The following CD300A variants were observed in gnomAD, a reference collection of about 807,000 sequenced individuals.
CD300A encodes the protein CD300a molecule.
CD300A carries 22 observed loss-of-function variants against 33.6 expected under a neutral mutation model. The observed-to-expected ratio is 0.66, with a 90% CI of 0.47 to 0.94. CD300A has a LOEUF of 0.94. Ranked by LOEUF, CD300A falls within the 40% of genes least tolerant of loss-of-function variation. The probability of loss-of-function intolerance (pLI) is 0.00; values close to 1 mark genes in which losing one functional copy is unlikely to be tolerated. For missense variants in CD300A, 326 were observed against 360.5 expected (o/e 0.90, Z 0.77); for synonymous variants, 136 against 148.1 (o/e 0.92, Z 0.59).
At chr17:74,474,872 TA>T (rs1274231692) in intron 3 of CD300A, among the ~76,000 whole-genome samples, 187 bp downstream of exon 3, 2 of 121,696 alleles carry the variant, frequency 1.6e-5, no homozygotes, top group Non-Finnish European at 3.5e-5. Flanking sequence ...GGGGCTCAGG[TA>T]GGGGGGAAGT....
intron 1 of CD300A, among the ~76,000 whole-genome samples, chr17:74,467,551 T>G (rs1019705013): frequency 2.0e-5 from 3 of 152,228 alleles, no homozygotes; most frequent in African/African-American, 4.8e-5. Flanking sequence ...CAGAGTCACC[T>G]GCTGTGCCTT....
At position 74,474,559 on chromosome 17, in the gene CD300A, T is replaced by G. The variant is rs755193796; in HGVS notation, c.407T>G (p.Ile136Ser). 1 of 1,614,170 alleles carries G rather than the reference T, an allele frequency of 6.2e-7. No homozygotes were observed. Among genetic ancestry groups the G allele is most frequent in the East Asian group, 2.2e-5 (1 of 44,882 alleles). Reference protein sequence around the residue: ...PASTSMTPASITAAKTSTITT... With the variant: ...PASTSMTPASSTAAKTSTITT... ...TCAACGTCAATGACACCTGCAAGTATCACTGCGGCCAAGACCTCAACAATC... is the reference window on the plus strand; with the variant it reads ...TCAACGTCAATGACACCTGCAAGTAGCACTGCGGCCAAGACCTCAACAATC... The change falls in exon 3 of 7, where the codon ATC (isoleucine) becomes AGC (serine). Residue 136 changes from isoleucine to serine, a missense_variant. Physicochemically the swap from Ile to Ser is moderately radical, Grantham distance 142. Coordinates refer to ENST00000360141, the MANE Select transcript of CD300A (RefSeq NM_007261.4).
Position 74,484,144 on chromosome 17 carries a change from C to T in CD300A, c.*18C>T. 1.9e-6 allele frequency: 3 copies of T among 1,612,212 alleles called. No homozygotes were observed. Among genetic ancestry groups the T allele is most frequent in the Non-Finnish European group, 2.5e-6 (3 of 1,179,110 alleles). ...AGACATAGGCTTTTGTCCTGCCTCGCCATCGGAGCTCTCATGGGCCCCAGG... is the reference window on the plus strand; with the variant it reads ...AGACATAGGCTTTTGTCCTGCCTCGTCATCGGAGCTCTCATGGGCCCCAGG... On this transcript the variant is annotated 3_prime_UTR_variant, in exon 7 of 7. Transcript: ENST00000360141.
intron 1 of CD300A, among the ~76,000 whole-genome samples, chr17:74,472,000 GGAGGCC>G (rs2144509177): frequency 6.6e-6 from 1 of 152,244 alleles, no homozygotes; most frequent in South Asian, 2.1e-4. Flanking sequence ...CAGCACTTTG[GGAGGCC>G]GAGGCAGGTG....
At chr17:74,466,995 T>C in intron 1 of CD300A, 1 of 1,392,330 alleles carries the variant, frequency 7.2e-7, no homozygotes, top group Non-Finnish European at 9.3e-7. Context: ...TGATAAGGGG[T>C]GGGTGCAGAA....
chr17:74,474,700 C>T lies in CD300A; in HGVS notation c.533+15C>T, dbSNP rs7208061. ...GTGAACTCACAGTAAGCACCCTAGC[C>T]CCTGAGACATGGAGGGGGCCCTGTG... On this transcript the variant is annotated intron_variant, in intron 3 of 6. Transcript: ENST00000360141. 1,846 of 1,613,384 alleles carry T rather than the reference C, an allele frequency of 1.1e-3. 14 individuals are homozygous for T. In the African/African-American group the frequency reaches 0.022, roughly 19 times the overall value.
At chr17:74,472,765 A>C (rs999647331) in intron 1 of CD300A, among the ~76,000 whole-genome samples, 44 of 152,070 alleles carry the variant, frequency 2.9e-4, no homozygotes, top group African/African-American at 8.0e-4. Flanking sequence ...GCATGCCACC[A>C]CGCCCAGCTA....
At chr17:74,477,308 C>T (rs1906530343) in intron 3 of CD300A, 128 bp from the exon 4 acceptor site, 1 of 613,022 alleles carries the variant, frequency 1.6e-6, no homozygotes, top group Non-Finnish European at 2.8e-6. Flanking sequence ...GCCATGATCA[C>T]CACTGCACTC....
intron 4 of CD300A, among the ~76,000 whole-genome samples, chr17:74,478,458 A>G (rs1598105622): frequency 6.6e-6 from 1 of 152,370 alleles, no homozygotes; most frequent in Non-Finnish European, 1.5e-5. Flanking sequence ...CTCTGAGCTC[A>G]GATTAAAAGA....
chr17:74,467,959 A>G (rs944214112), intron 1 of CD300A, among the ~76,000 whole-genome samples: 2 of 152,190 alleles, frequency 1.3e-5, no homozygotes, highest in South Asian at 2.1e-4. Flanking sequence ...AGAGCTTCTC[A>G]TTATTAGGAA....
chr17:74,473,509 G>A (rs1906243432), intron 1 of CD300A, 27 bp from the exon 2 acceptor site: 2 of 1,591,912 alleles, frequency 1.3e-6, no homozygotes, highest in African/African-American at 1.3e-5. Flanking sequence ...CTGAGGAGGA[G>A]CTGGGACTCT....
chr17:74,477,561 A>T (rs1467785977), intron 4 of CD300A, 31 bp downstream of exon 4: 1 of 1,515,658 alleles, frequency 6.6e-7, no homozygotes, highest in African/African-American at 1.4e-5. Flanking sequence ...CCTCTGCCCC[A>T]CCTGGGGTGG....
chr17:74,473,333 G>A (rs563196897), intron 1 of CD300A, among the ~76,000 whole-genome samples: 3 of 151,936 alleles, frequency 2.0e-5, no homozygotes, highest in South Asian at 2.1e-4. Flanking sequence ...GAGCTCTTCC[G>A]GTCTCCATGG....
intron 4 of CD300A, among the ~76,000 whole-genome samples, chr17:74,479,896 C>G (rs1416739073): frequency 1.3e-5 from 2 of 152,140 alleles, no homozygotes; most frequent in Admixed American, 6.5e-5. Flanking sequence ...ACAAAGCTGT[C>G]CTGAGCACCT....
chr17:74,480,906 G>A lies in CD300A; in HGVS notation c.629-383G>A, dbSNP rs1050098861. 5.9e-5 allele frequency among the ~76,000 whole-genome samples: 9 copies of A among 152,086 alleles called. No homozygotes were observed. The highest frequency in any genetic ancestry group is 2.2e-4 in the African/African-American group (9 of 41,410). Reference sequence around the variant, plus strand: ...GGGACTACAGGGCGTGTGCCACCATGCCCAGCTAATATTTGTATTTTTAGT... The same window carrying A: ...GGGACTACAGGGCGTGTGCCACCATACCCAGCTAATATTTGTATTTTTAGT... On this transcript the variant is annotated intron_variant, in intron 4 of 6. Coordinates refer to ENST00000360141, the MANE Select transcript of CD300A (RefSeq NM_007261.4). This position sits in a 1 kb window ranked among gnomAD's most constrained non-coding sequence, Gnocchi z 4.2.
intron 6 of CD300A, among the ~76,000 whole-genome samples, chr17:74,483,252 C>T (rs944802966): frequency 6.6e-6 from 1 of 152,170 alleles, no homozygotes; most frequent in Non-Finnish European, 1.5e-5. Context: ...AACGCAGTAC[C>T]CCTGTACTGG....
rs1020465705 is a variant in CD300A, at chr17:74,480,290, C to G, written c.629-999C>G. Among the ~76,000 whole-genome samples the G allele has an allele frequency of 6.6e-6, 1 of 152,114 alleles. No homozygotes were observed. Among genetic ancestry groups the G allele is most frequent in the Non-Finnish European group, 1.5e-5 (1 of 68,000 alleles). Reference sequence around the variant, plus strand: ...TTCTGGGGGAGGAGCCCACAGATCCCCACAGCATCCAGTGCAGTGGGCTCT... The same window carrying G: ...TTCTGGGGGAGGAGCCCACAGATCCGCACAGCATCCAGTGCAGTGGGCTCT... On this transcript the variant is annotated intron_variant, in intron 4 of 6. Coordinates refer to ENST00000360141, the MANE Select transcript of CD300A (RefSeq NM_007261.4). The surrounding 1 kb of genome is among the most constrained non-coding windows in gnomAD (Gnocchi z 4.2).
Position 74,484,326 on chromosome 17 carries a change from G to A in CD300A, c.*200G>A, listed in dbSNP as rs1026471382. ...GAGGGCCAGCAGGGCTGGGGGCTCCGGAGAGCAGCAGGAAGCACTCCCAGC... is the reference window on the plus strand; with the variant it reads ...GAGGGCCAGCAGGGCTGGGGGCTCCAGAGAGCAGCAGGAAGCACTCCCAGC... On this transcript the variant is annotated 3_prime_UTR_variant, in exon 7 of 7. Coordinates refer to ENST00000360141, the MANE Select transcript of CD300A (RefSeq NM_007261.4). 10 of 509,118 alleles carry A rather than the reference G, an allele frequency of 2.0e-5. No homozygotes were observed. The highest frequency in any genetic ancestry group is 5.8e-5 in the African/African-American group (3 of 51,822). The allele number at this position is 509,118 out of a possible 1,614,324, so 31.5% of individuals were successfully genotyped here.
At chr17:74,466,553 G>A, upstream of CD300A, 3 of 863,378 alleles carry the variant, frequency 3.5e-6, no homozygotes, top group Non-Finnish European at 5.4e-6. Flanking sequence ...TTTTCTGACC[G>A]GCTCCAGGAA....
Sources: gnomAD v4.1 joint callset for allele counts (sites outside exome capture counted in the v4.1 genomes callset) on GRCh38, gnomAD v4.1.1 for gene constraint, Gnocchi (gnomAD v3.1) non-coding constraint, MANE v1.5 for transcripts, NCBI Gene and HGNC (gene_info 2026-07-23, HGNC 2026-07-21) for gene names.